The following AGTPBP1 variants were observed in gnomAD, a reference collection of about 807,000 sequenced individuals.
AGTPBP1 encodes the protein ATP/GTP binding carboxypeptidase 1, also known as cytosolic carboxypeptidase 1.
AGTPBP1 carries 70 observed loss-of-function variants against 143.9 expected under a neutral mutation model. The ratio of observed to expected loss-of-function variants is 0.49; its 90% CI spans 0.40 to 0.59. The LOEUF is 0.59. Among genes scored for constraint, AGTPBP1 ranks in the 20% least tolerant of loss-of-function variants. The pLI, the probability that AGTPBP1 is intolerant of heterozygous loss-of-function variation, is 0.00. For missense variants in AGTPBP1, 1,229 were observed against 1,464.5 expected (o/e 0.84, Z 2.62); for synonymous variants, 463 against 500.2 (o/e 0.93, Z 0.99).
the AGTPBP1 span, among the ~76,000 whole-genome samples, chr9:85,756,837 A>G: frequency 9.8e-5 from 15 of 152,294 alleles, no homozygotes; most frequent in African/African-American, 3.6e-4. Flanking sequence ...GAAAGAAACC[A>G]GTCACAAAAG....
At chr9:85,570,628 G>A (rs891262783) in intron 25 of AGTPBP1, among the ~76,000 whole-genome samples, 2 of 151,886 alleles carry the variant, frequency 1.3e-5, no homozygotes, top group Admixed American at 6.6e-5. Context: ...TCATACTATC[G>A]ACTCCCCTCA....
At chr9:85,592,489 TTAAC>T in intron 19 of AGTPBP1, 67 bp downstream of exon 19, 3 of 1,090,218 alleles carry the variant, frequency 2.8e-6, no homozygotes, top group Non-Finnish European at 3.8e-6. Flanking sequence ...GTTAGAATAT[TTAAC>T]TAAACTCAAT....
intron 17 of AGTPBP1, among the ~76,000 whole-genome samples, chr9:85,596,890 T>TA (rs1564047493): frequency 6.6e-6 from 1 of 152,088 alleles, no homozygotes. Flanking sequence ...TCCATACATA[T>TA]ATGTGTTTGT....
At chr9:85,797,408 G>A in the AGTPBP1 span, among the ~76,000 whole-genome samples, 1 of 152,078 alleles carries the variant, frequency 6.6e-6, no homozygotes, top group African/African-American at 2.4e-5. Flanking sequence ...CACACCTGGT[G>A]GTTGCTTAGT....
chr9:85,575,350 T>C lies in AGTPBP1; in HGVS notation c.3468A>G (p.Glu1156=), dbSNP rs1345867122. The change falls in exon 25 of 26, where the codon GAA becomes GAG. Residue 1156 remains glutamate (E), a synonymous_variant. Coordinates refer to ENST00000357081, the MANE Select transcript of AGTPBP1 (RefSeq NM_001330701.2). ...YNLPSSLLDF[E]NDLIESSCKV... ...TGCAGCTTGATTCAATTAAATCATT[T>C]TCAAAGTCAAGCAGGCTGGAAGGCA... The C allele has an allele frequency of 1.3e-6, 2 of 1,599,758 alleles. No homozygotes were observed.
intron 20 of AGTPBP1, among the ~76,000 whole-genome samples, 195 bp downstream of exon 20, chr9:85,589,333 T>C (rs768254610): frequency 2.6e-5 from 4 of 152,134 alleles, no homozygotes; most frequent in Non-Finnish European, 5.9e-5. Flanking sequence ...ACATCTCATG[T>C]AGCCCCTTAT....
intron 1 of AGTPBP1, among the ~76,000 whole-genome samples, chr9:85,717,614 T>C (rs1304506004): frequency 6.6e-6 from 1 of 152,030 alleles, no homozygotes; most frequent in Non-Finnish European, 1.5e-5. Flanking sequence ...ATATGAGAAG[T>C]TAGGGCCTTT....
the AGTPBP1 span, chr9:85,753,347 G>A: frequency 7.7e-5 from 125 of 1,613,930 alleles, 2 homozygotes; most frequent in East Asian, 2.3e-3. Context: ...GTCTAAAACC[G>A]AAAGCTGAGG....
At position 85,565,463 on chromosome 9, in the gene AGTPBP1, A is replaced by G. The variant is rs148505949; in HGVS notation, c.3503+9852T>C. ...TAAAAAAAAAGTTAGGGGAATTTATATTCATTAACTTGATACCTCAGTTTC... is the reference window on the plus strand; with the variant it reads ...TAAAAAAAAAGTTAGGGGAATTTATGTTCATTAACTTGATACCTCAGTTTC... On this transcript the variant is annotated intron_variant, in intron 25 of 25. Coordinates refer to ENST00000357081, the MANE Select transcript of AGTPBP1 (RefSeq NM_001330701.2). Among the ~76,000 whole-genome samples, 938 of 152,304 alleles carry G rather than the reference A, an allele frequency of 6.2e-3. 9 individuals carry two copies. The highest frequency in any genetic ancestry group is 0.02 in the African/African-American group (849 of 41,548).
At chr9:85,794,957 TTTTA>T in the AGTPBP1 span, among the ~76,000 whole-genome samples, 2 of 152,198 alleles carry the variant, frequency 1.3e-5, no homozygotes, top group African/African-American at 4.8e-5. Context: ...TACAACTGCT[TTTTA>T]TATATTGATC....
intron 3 of AGTPBP1, among the ~76,000 whole-genome samples, chr9:85,690,813 G>A (rs956609252): frequency 6.6e-5 from 10 of 151,802 alleles, no homozygotes; most frequent in Non-Finnish European, 1.5e-5. Flanking sequence ...TTTCAGTGGT[G>A]GTAAGAGGGT....
rs150274278 is a variant in AGTPBP1 at position 85,643,719 on chromosome 9, T to A, written c.1186-776A>T. Among the ~76,000 whole-genome samples the A allele has an allele frequency of 5.5e-4, 83 of 152,190 alleles. 1 individual carries two copies. The highest frequency in any genetic ancestry group is 1.9e-3 in the African/African-American group (77 of 41,528). The stretch of plus-strand genomic sequence containing the variant: ...AGTATGTCCTCAGAGAAACAAGATA[T>A]GTATCCAGGATCAATGTGTTCTAAA... On this transcript the variant is annotated intron_variant, in intron 12 of 25. Coordinates refer to ENST00000357081, the MANE Select transcript of AGTPBP1 (RefSeq NM_001330701.2).
intron 7 of AGTPBP1, among the ~76,000 whole-genome samples, chr9:85,671,270 T>G (rs1328900611): frequency 1.3e-5 from 2 of 152,186 alleles, no homozygotes; most frequent in Non-Finnish European, 2.9e-5. Flanking sequence ...CCAATACAGT[T>G]TTATTTTTTA....
the AGTPBP1 span, among the ~76,000 whole-genome samples, chr9:85,797,701 T>G: frequency 6.6e-6 from 1 of 151,744 alleles, no homozygotes; most frequent in Admixed American, 6.6e-5. Flanking sequence ...TAAAATACAC[T>G]AACAATAGCT....
At chr9:85,800,140 CT>C in the AGTPBP1 span, among the ~76,000 whole-genome samples, 1 of 152,170 alleles carries the variant, frequency 6.6e-6, no homozygotes, top group Admixed American at 6.5e-5. Context: ...TGAGTCACCC[CT>C]GTCTTCAGCT....
intron 25 of AGTPBP1, among the ~76,000 whole-genome samples, chr9:85,574,989 A>G (rs890073070): frequency 6.6e-5 from 10 of 152,228 alleles, no homozygotes; most frequent in Non-Finnish European, 1.3e-4. Flanking sequence ...GATTACAGGC[A>G]TGAGCCACTG....
the AGTPBP1 span, among the ~76,000 whole-genome samples, chr9:85,792,685 A>G: frequency 2.5e-4 from 38 of 152,252 alleles, no homozygotes; most frequent in Non-Finnish European, 4.3e-4. Flanking sequence ...CAAATGAAAC[A>G]CAAAGTAATT....
In AGTPBP1 at chr9:85,660,086, TA is replaced by T. The variant is rs979787630; in HGVS notation, c.700+849del. ...GATCAATTCATTATTTGCTATTATT[TA>T]AAAAAAAAAAGAGTTCTGGCAATTA... On this transcript the variant is annotated intron_variant, in intron 9 of 25. Transcript: ENST00000357081. Among the ~76,000 whole-genome samples the T allele has an allele frequency of 6.4e-4, 94 of 146,228 alleles. 1 individual carries two copies. Among genetic ancestry groups the T allele is most frequent in the South Asian group, 3.5e-3 (16 of 4,626 alleles).
the AGTPBP1 span, among the ~76,000 whole-genome samples, chr9:85,802,368 T>C: frequency 6.6e-6 from 1 of 152,224 alleles, no homozygotes; most frequent in South Asian, 2.1e-4. Context: ...CCTGGTCAAA[T>C]CTCAGTCCTG....
Sources: allele counts gnomAD v4.1 joint callset (sites outside exome capture counted in the v4.1 genomes callset), GRCh38; gene constraint gnomAD v4.1.1; transcripts MANE v1.5; gene names NCBI Gene and HGNC (gene_info 2026-07-23, HGNC 2026-07-21).